The following RASSF3 variants were observed in gnomAD, a reference collection of about 807,000 sequenced individuals.
RASSF3 encodes the protein ras association domain-containing protein 3.
Under a neutral mutation model 19.9 loss-of-function variants are expected in RASSF3, and 19 were observed. The observed-to-expected ratio is 0.96, with a 90% CI of 0.67 to 1.40. The LOEUF (loss-of-function observed/expected upper bound fraction) is 1.40. RASSF3 is among the 40% of genes most tolerant of loss of function. RASSF3 has a pLI of 0.00. For missense variants in RASSF3, 306 were observed against 289.8 expected (o/e 1.06, Z -0.41); for synonymous variants, 110 against 104.2 (o/e 1.06, Z -0.34).
chr12:64,694,369 A>G (rs752636880), intron 4 of RASSF3, among the ~76,000 whole-genome samples: 7 of 152,216 alleles, frequency 4.6e-5, no homozygotes, highest in Non-Finnish European at 1.0e-4. Flanking sequence ...GGGGGTGATA[A>G]GACTGATTAT....
chr12:64,559,852 T>C (rs932722622), intron 2 of RASSF3, among the ~76,000 whole-genome samples: 1 of 152,260 alleles, frequency 6.6e-6, no homozygotes, highest in Non-Finnish European at 1.5e-5. Context: ...TGGTTCCTGC[T>C]CGCTAATTCT....
intron 1 of RASSF3, among the ~76,000 whole-genome samples, chr12:64,647,811 A>G (rs987639972): frequency 7.9e-5 from 12 of 151,972 alleles, no homozygotes; most frequent in Admixed American, 3.3e-4. Flanking sequence ...CAGCCTCCCA[A>G]AGTGCTGGGG....
At chr12:64,643,143 G>A (rs772084445) in intron 1 of RASSF3, among the ~76,000 whole-genome samples, 8 of 144,884 alleles carry the variant, frequency 5.5e-5, no homozygotes, top group South Asian at 2.4e-4. Flanking sequence ...TGGGATCACC[G>A]GTGTGAGCCA....
chr12:64,673,546 T>C (rs1447612801), intron 1 of RASSF3, among the ~76,000 whole-genome samples: 4 of 152,132 alleles, frequency 2.6e-5, no homozygotes, highest in African/African-American at 9.7e-5. Context: ...AAGAATCCAC[T>C]GCTTTTTCTG....
intron 1 of RASSF3, among the ~76,000 whole-genome samples, chr12:64,680,550 A>T (rs1873084528): frequency 6.6e-6 from 1 of 152,136 alleles, no homozygotes; most frequent in African/African-American, 2.4e-5. Flanking sequence ...TAAAAAGTAC[A>T]GCATCAGGGC....
chr12:64,529,087 T>C (rs1164560412), upstream of RASSF3, among the ~76,000 whole-genome samples: 1 of 152,230 alleles, frequency 6.6e-6, no homozygotes, highest in African/African-American at 2.4e-5. Context: ...GATTGAATGA[T>C]CATATGCCAT....
At chr12:64,576,729 T>C (rs1034746676) in intron 2 of RASSF3, among the ~76,000 whole-genome samples, 1 of 151,646 alleles carries the variant, frequency 6.6e-6, no homozygotes, top group Non-Finnish European at 1.5e-5. Flanking sequence ...CACATGCCTG[T>C]AGGCCCAGCT....
At chr12:64,529,055 T>C (rs1868651028), upstream of RASSF3, among the ~76,000 whole-genome samples, 1 of 152,224 alleles carries the variant, frequency 6.6e-6, no homozygotes, top group Non-Finnish European at 1.5e-5. Context: ...CTTTTATTTT[T>C]ACTTCATGGT....
At chr12:64,588,623 A>G (rs1156605205) in intron 2 of RASSF3, among the ~76,000 whole-genome samples, 1 of 152,116 alleles carries the variant, frequency 6.6e-6, no homozygotes, top group Non-Finnish European at 1.5e-5. Context: ...TTAAATGTTT[A>G]AACAACACAT....
Position 64,566,923 on chromosome 12 carries a change from G to T in RASSF3, c.294+25218G>T, listed in dbSNP as rs968164735. Among the ~76,000 whole-genome samples, 6 of 152,312 alleles carry T rather than the reference G, an allele frequency of 3.9e-5. No individual in the cohort carries two copies. The South Asian group carries it at 1.2e-3, about 32-fold the overall frequency. ...GAGGGCAAAAAGCAATTGCTGAAGC[G>T]ATTAGGTCCAGATTAAGTGTAGCTT... On this transcript the variant is annotated intron_variant, in intron 2 of 5. Coordinates refer to the RASSF3 transcript ENST00000637125.
intron 1 of RASSF3, among the ~76,000 whole-genome samples, chr12:64,644,375 C>G (rs17100505): frequency 6.6e-6 from 1 of 152,008 alleles, no homozygotes; most frequent in Non-Finnish European, 1.5e-5. Context: ...AATTTGTAGT[C>G]TTCTTAATAG....
intron 2 of RASSF3, among the ~76,000 whole-genome samples, chr12:64,595,506 G>A (rs950539451): frequency 6.6e-6 from 1 of 152,172 alleles, no homozygotes; most frequent in East Asian, 1.9e-4. Flanking sequence ...AAACCCTGGG[G>A]AATATTTGCA....
chr12:64,622,052 A>T (rs1428592477), intron 1 of RASSF3, among the ~76,000 whole-genome samples: 1 of 151,880 alleles, frequency 6.6e-6, no homozygotes, highest in East Asian at 1.9e-4. Flanking sequence ...GAAGAACCTA[A>T]CTTATTTATT....
intron 2 of RASSF3, among the ~76,000 whole-genome samples, chr12:64,585,569 C>A (rs1433883539): frequency 6.8e-6 from 1 of 147,328 alleles, no homozygotes; most frequent in Non-Finnish European, 1.5e-5. Context: ...ACTGGTTCAT[C>A]TACACTGTTA....
intron 1 of RASSF3, among the ~76,000 whole-genome samples, chr12:64,658,567 T>G (rs998272685): frequency 4.6e-5 from 7 of 152,146 alleles, no homozygotes; most frequent in African/African-American, 1.7e-4. Flanking sequence ...TTTGGAAGGC[T>G]GAGGCGGGCG....
intron 1 of RASSF3, among the ~76,000 whole-genome samples, chr12:64,671,935 G>T (rs1872714661): frequency 6.6e-6 from 1 of 152,198 alleles, no homozygotes; most frequent in African/African-American, 2.4e-5. Context: ...TGGCCTGTAG[G>T]GCGGAAGGGA....
intron 1 of RASSF3, among the ~76,000 whole-genome samples, chr12:64,626,077 A>C (rs944758175): frequency 2.6e-5 from 4 of 152,130 alleles, no homozygotes; most frequent in Admixed American, 2.6e-4. Context: ...GCTTTGTAAT[A>C]ATTCCAAATG....
chr12:64,553,954 G>A (rs1204600275), intron 2 of RASSF3, among the ~76,000 whole-genome samples: 7 of 147,074 alleles, frequency 4.8e-5, no homozygotes, highest in Non-Finnish European at 8.9e-5. Flanking sequence ...TCCAGCCTGG[G>A]TGACAGAGTG....
At chr12:64,674,500 G>A (rs1427290364) in intron 1 of RASSF3, among the ~76,000 whole-genome samples, 1 of 152,194 alleles carries the variant, frequency 6.6e-6, no homozygotes, top group Non-Finnish European at 1.5e-5. Flanking sequence ...AGGATCGCTT[G>A]AGCCTGGGAG....
Sources: allele counts gnomAD v4.1 joint callset (sites outside exome capture counted in the v4.1 genomes callset), GRCh38; gene constraint gnomAD v4.1.1; transcripts MANE v1.5; gene names NCBI Gene and HGNC (gene_info 2026-07-23, HGNC 2026-07-21).